Variants in FMNL2 observed in about 807,000 individuals in gnomAD.
FMNL2 encodes the protein formin like 2, also known as formin-like protein 2.
A neutral mutation model predicts 130.2 loss-of-function variants in FMNL2; 51 were observed. That is an observed-to-expected ratio of 0.39 (90% CI 0.31 to 0.49). The LOEUF is 0.49. Among genes scored for constraint, FMNL2 ranks in the 20% least tolerant of loss-of-function variants. The pLI is 0.85. For missense variants in FMNL2, 977 were observed against 1,316.2 expected (o/e 0.74, Z 3.99); for synonymous variants, 465 against 467.1 (o/e 1.00, Z 0.06).
At chr2:152,569,130 C>A (rs1469301968) in intron 6 of FMNL2, among the ~76,000 whole-genome samples, 2 of 123,864 alleles carry the variant, frequency 1.6e-5, no homozygotes, top group African/African-American at 3.1e-5. Flanking sequence ...TTTTTTGACT[C>A]CTTTGTGATG....
chr2:152,476,964 G>A (rs1208586199), intron 1 of FMNL2, among the ~76,000 whole-genome samples: 1 of 152,208 alleles, frequency 6.6e-6, no homozygotes, highest in Non-Finnish European at 1.5e-5. Context: ...TATCTGGGAA[G>A]TTAGAATGAT....
Position 152,335,449 on chromosome 2 carries a change from A to C in FMNL2, c.-155A>C. The C allele has an allele frequency of 2.5e-6, 1 of 397,608 alleles. No homozygotes were observed. The highest frequency in any genetic ancestry group is 4.3e-6 in the Non-Finnish European group (1 of 233,282). 24.6% of individuals were successfully genotyped at this position (397,608 alleles called of 1,614,324 possible). A position where few individuals can be genotyped will look rare whatever the true frequency, so the allele number is the denominator to read the frequency against. On this transcript the variant is annotated 5_prime_UTR_variant, in exon 1 of 26. Coordinates refer to ENST00000288670, the MANE Select transcript of FMNL2 (RefSeq NM_052905.4). ...GGCTCGGCTTGGAGCGCTGCTAGGGAGCGGTGCGCGCCGCACACCCGCCTG... is the reference window on the plus strand; with the variant it reads ...GGCTCGGCTTGGAGCGCTGCTAGGGCGCGGTGCGCGCCGCACACCCGCCTG...
At chr2:152,438,252 ATTT>A (rs2106118946) in intron 1 of FMNL2, among the ~76,000 whole-genome samples, 1 of 152,348 alleles carries the variant, frequency 6.6e-6, no homozygotes, top group East Asian at 1.9e-4. Context: ...GTAATGTATT[ATTT>A]ACTCACTGTT....
At chr2:152,601,525 T>G (rs1465499860) in intron 9 of FMNL2, among the ~76,000 whole-genome samples, 1 of 151,906 alleles carries the variant, frequency 6.6e-6, no homozygotes, top group Non-Finnish European at 1.5e-5. Flanking sequence ...AGTCTCGAAC[T>G]CCTGACCTCA....
rs1029935417 is a variant in FMNL2 at position 152,615,094 on chromosome 2, T to C, written c.1212+94T>C. ...CTTTTATGGTGGTAAATTTAAGGAT[T>C]TGGAGTATAGGAATAGGCCATACCC... On this transcript the variant is annotated intron_variant, in intron 12 of 25. Coordinates refer to ENST00000288670, the MANE Select transcript of FMNL2 (RefSeq NM_052905.4). 2.4e-5 allele frequency: 34 copies of C among 1,434,950 alleles called. No homozygotes were observed. In the African/African-American group the frequency reaches 4.7e-4, roughly 20 times the overall value. The allele number at this position is 1,434,950 out of a possible 1,614,324, so 88.9% of individuals were successfully genotyped here.
rs1699087862 is a variant in FMNL2 at position 152,618,919 on chromosome 2, A to G, written c.1388A>G (p.Gln463Arg). The G allele has an allele frequency of 1.2e-6, 2 of 1,613,618 alleles. No individual in the cohort carries two copies. The highest frequency in any genetic ancestry group is 1.7e-5 in the Admixed American group (1 of 59,898). The part of the protein sequence containing the change: ...KMVKEKEEAI[Q>R]RQSTLEKKIH... ...GTCAAAGAAAAAGAAGAAGCAATTC[A>G]AAGACAGTCTACCCTGGAAAAAAAG... The change falls in exon 14 of 26, where the codon CAA becomes CGA. Residue 463 changes from glutamine to arginine, a missense_variant. Physicochemically the swap from Gln to Arg is conservative, Grantham distance 43. This residue lies in a region of FMNL2 where 689 missense variants were observed against 995.9 expected (regional missense o/e 0.69). Coordinates refer to ENST00000288670, the MANE Select transcript of FMNL2 (RefSeq NM_052905.4).
chr2:152,542,930 TC>T, intron 3 of FMNL2, 111 bp downstream of exon 3: 2 of 1,224,300 alleles, frequency 1.6e-6, no homozygotes, highest in Non-Finnish European at 2.3e-6. Flanking sequence ...TGCCAGAGCC[TC>T]CACAAAAAAC....
intron 9 of FMNL2, among the ~76,000 whole-genome samples, chr2:152,593,858 A>AGTGTGTGTGT (rs1697582954): frequency 9.9e-6 from 1 of 101,520 alleles, no homozygotes; most frequent in African/African-American, 4.3e-5. Context: ...AGAGAGAGAG[A>AGTGTGTGTGT]GAGTGTGTGT....
intron 1 of FMNL2, among the ~76,000 whole-genome samples, chr2:152,359,323 T>G (rs1217964639): frequency 1.3e-5 from 2 of 152,152 alleles, no homozygotes; most frequent in African/African-American, 4.8e-5. Flanking sequence ...AGAGGAAATT[T>G]AGGTGCAGAG....
At chr2:152,415,952 T>C (rs895082473) in intron 1 of FMNL2, among the ~76,000 whole-genome samples, 3 of 152,172 alleles carry the variant, frequency 2.0e-5, no homozygotes, top group African/African-American at 7.2e-5. Context: ...AGAGCTGAAT[T>C]CAGATGCCCC....
chr2:152,626,505 G>C lies in FMNL2; in HGVS notation c.1963-20G>C. 2 of 1,572,894 alleles carry C rather than the reference G, an allele frequency of 1.3e-6. No homozygotes were observed. The highest frequency in any genetic ancestry group is 1.9e-5 in the Admixed American group (1 of 53,726). ...TTTAAATATAATCCAATTTTCCATG[G>C]TCATTCCTCTCTATCTTAGGATTTA... On this transcript the variant is annotated intron_variant, in intron 16 of 25. Transcript: ENST00000288670.
intron 1 of FMNL2, among the ~76,000 whole-genome samples, chr2:152,515,423 G>T (rs1692715029): frequency 6.6e-6 from 1 of 151,948 alleles, no homozygotes; most frequent in East Asian, 1.9e-4. Flanking sequence ...TCAGTTTTTT[G>T]GCTCCAGTTT....
intron 1 of FMNL2, among the ~76,000 whole-genome samples, chr2:152,453,958 T>C (rs1688801363): frequency 6.6e-6 from 1 of 152,136 alleles, no homozygotes; most frequent in South Asian, 2.1e-4. Flanking sequence ...GTGGGGGAAA[T>C]GAAAAATTAA....
Position 152,449,862 on chromosome 2 carries a change from C to T in FMNL2, c.118-72081C>T, listed in dbSNP as rs1349181318. ...TTTGACAGACTGCATAACCTTCCTACATTTTCCCAGAGTAGTCTAATGAGT... is the reference window on the plus strand; with the variant it reads ...TTTGACAGACTGCATAACCTTCCTATATTTTCCCAGAGTAGTCTAATGAGT... On this transcript the variant is annotated intron_variant, in intron 1 of 25. Transcript: ENST00000288670. Among the ~76,000 whole-genome samples, 5 of 152,214 alleles carry T rather than the reference C, an allele frequency of 3.3e-5. No homozygotes were observed. In the South Asian group the frequency reaches 1.0e-3, roughly 32 times the overall value.
intron 1 of FMNL2, among the ~76,000 whole-genome samples, chr2:152,496,875 G>T (rs554115624): frequency 3.9e-4 from 59 of 151,110 alleles, no homozygotes; most frequent in Non-Finnish European, 7.7e-4. Flanking sequence ...CTTACTTTTG[G>T]TACCATAAGA....
At chr2:152,456,411 A>T (rs1034602240) in intron 1 of FMNL2, among the ~76,000 whole-genome samples, 9 of 152,180 alleles carry the variant, frequency 5.9e-5, no homozygotes, top group Non-Finnish European at 8.8e-5. Flanking sequence ...CATGTTGCCT[A>T]GGCTGGTCTT....
In FMNL2 at chr2:152,458,465, A is replaced by G. The variant is rs1311876878; in HGVS notation, c.118-63478A>G. ...CTGCCTGGGTCATTCCTTCCAAACC[A>G]GAATGTGCCCTTCCCTTATTTCTGC... On this transcript the variant is annotated intron_variant, in intron 1 of 25. Transcript: ENST00000288670. Among the ~76,000 whole-genome samples the G allele has an allele frequency of 2.0e-5, 3 of 152,198 alleles. No individual in the cohort carries two copies. In the East Asian group the frequency reaches 5.8e-4, roughly 29 times the overall value.
chr2:152,380,623 G>C (rs1186967482), intron 1 of FMNL2, among the ~76,000 whole-genome samples: 2 of 152,188 alleles, frequency 1.3e-5, no homozygotes, highest in East Asian at 3.8e-4. Context: ...CCTTGGCTTT[G>C]GCTGTCTCCT....
chr2:152,521,485 T>TC (rs370554560), intron 1 of FMNL2, among the ~76,000 whole-genome samples: 1 of 151,580 alleles, frequency 6.6e-6, no homozygotes, highest in Non-Finnish European at 1.5e-5. Flanking sequence ...TGTCTTTTTT[T>TC]TTTTTAATTC....
Sources: gnomAD v4.1 joint callset for allele counts (sites outside exome capture counted in the v4.1 genomes callset) on GRCh38, gnomAD v4.1.1 for gene constraint, gnomAD v4.1.1 regional missense constraint, MANE v1.5 for transcripts, NCBI Gene and HGNC (gene_info 2026-07-23, HGNC 2026-07-21) for gene names.